Variants in PLK5 observed in about 807,000 individuals in gnomAD.
The protein encoded by PLK5 is inactive serine/threonine-protein kinase PLK5.
In PLK5, 28 loss-of-function variants were observed where a neutral mutation model predicts 33.7. The observed-to-expected ratio is 0.83, with a 90% CI of 0.62 to 1.14. The LOEUF (loss-of-function observed/expected upper bound fraction) is 1.14, where lower values mean the gene tolerates loss of function less well. PLK5 is among the 50% of genes most tolerant of loss of function. The pLI, the probability that PLK5 is intolerant of heterozygous loss-of-function variation, is 0.00. For synonymous variants in PLK5, 225 were observed against 202.2 expected, an observed-to-expected ratio of 1.11 and a Z score of -0.96; for missense variants, 492 against 461.5, an observed-to-expected ratio of 1.07 and a Z score of -0.61.
rs539701781 is a variant in PLK5, at chr19:1,526,856, G to A, written c.-94-47G>A. On this transcript the variant is annotated intron_variant, in intron 5 of 13. Coordinates refer to ENST00000454744, the MANE Select transcript of PLK5 (RefSeq NM_001243079.2). ...TGGGCACGGCTGGCCCTGAAGTCTG[G>A]CACGGGGATCCCAGCCTTCCTGAGC... 29 of 1,082,146 alleles carry A rather than the reference G, an allele frequency of 2.7e-5. No homozygotes were observed. The African/African-American group carries it at 3.6e-4, about 13-fold the overall frequency. 67.0% of individuals were successfully genotyped at this position (1,082,146 alleles called of 1,614,324 possible).
At chr19:1,531,422 AAAC>A (rs1913924103) in intron 11 of PLK5, among the ~76,000 whole-genome samples, 1 of 40,398 alleles carries the variant, frequency 2.5e-5, no homozygotes, top group South Asian at 1.9e-3. Context: ...AAACAAAACA[AAAC>A]AAAACAAACA....
chr19:1,533,804 G>GT, intron 12 of PLK5, 127 bp from the exon 13 acceptor site: 1 of 735,020 alleles, frequency 1.4e-6, no homozygotes, highest in South Asian at 1.7e-5. Context: ...CAAGCTGGCC[G>GT]TGCTGCAGCT....
In PLK5 at chr19:1,528,974, G is replaced by T; in HGVS notation, c.405G>T (p.Glu135Asp). The T allele has an allele frequency of 6.6e-7, 1 of 1,509,300 alleles. No homozygotes were observed. The highest frequency in any genetic ancestry group is 8.8e-7 in the Non-Finnish European group (1 of 1,133,750). 93.5% of individuals were successfully genotyped at this position (1,509,300 alleles called of 1,614,324 possible). ...PDPDSMEWDGESSLSAKEVPC... is the reference protein window; with the variant it reads ...PDPDSMEWDGDSSLSAKEVPC... Reference sequence around the variant, plus strand: ...CTGACTCCATGGAGTGGGACGGCGAGGTGAGACATCGGGGTGGGGGACACG... The same window carrying T: ...CTGACTCCATGGAGTGGGACGGCGATGTGAGACATCGGGGTGGGGGACACG... The change falls in exon 9 of 14, where the codon GAG becomes GAT. Residue 135 changes from glutamate (E) to aspartate (D), a missense_variant and splice_region_variant. Coordinates refer to ENST00000454744, the MANE Select transcript of PLK5 (RefSeq NM_001243079.2).
chr19:1,532,354 C>A (rs1913955639), intron 12 of PLK5, among the ~76,000 whole-genome samples: 1 of 151,966 alleles, frequency 6.6e-6, no homozygotes, highest in South Asian at 2.1e-4. Context: ...GCCTTGGCCT[C>A]ATAGCAAGAC....
At position 1,528,907 on chromosome 19, in the gene PLK5, C is replaced by A. The variant is rs188238762; in HGVS notation, c.338C>A (p.Thr113Lys). Reference protein sequence around the residue: ...LTQCRPPCPFTPKEASGPGEG... With the variant: ...LTQCRPPCPFKPKEASGPGEG... ...CTTGTGCCTCCCTCAGGCCCCTTCA[C>A]GCCTAAAGAGGCCTCGGGTCCAGGA... is the stretch of plus-strand genomic sequence containing the variant. Residue 113 changes from threonine to lysine, a missense_variant, in exon 9 of 14, where the codon ACG (threonine) becomes AAG (lysine). Coordinates refer to ENST00000454744, the MANE Select transcript of PLK5 (RefSeq NM_001243079.2). 4 of 1,515,436 alleles carry A rather than the reference C, an allele frequency of 2.6e-6. No homozygotes were observed. Among genetic ancestry groups the A allele is most frequent in the Non-Finnish European group, 3.5e-6 (4 of 1,137,550 alleles). 93.9% of individuals were successfully genotyped at this position (1,515,436 alleles called of 1,614,324 possible).
intron 12 of PLK5, 132 bp from the exon 13 acceptor site, chr19:1,533,799 T>G (rs909312802): frequency 3.5e-5 from 24 of 690,444 alleles, no homozygotes; most frequent in Non-Finnish European, 5.4e-5. Flanking sequence ...GGCGCCAAGC[T>G]GGCCGTGCTG....
intron 6 of PLK5, 60 bp from the exon 7 acceptor site, chr19:1,527,876 T>C: frequency 6.8e-7 from 1 of 1,478,904 alleles, no homozygotes; most frequent in Non-Finnish European, 9.0e-7. Context: ...TGGCCAAGTG[T>C]GCAGGGGTAG....
rs1344009022 is a variant in PLK5 at position 1,528,114 on chromosome 19, C to T, written c.181C>T (p.Gln61Ter). Residue 61 changes from glutamine to a stop codon, truncating the protein, a stop_gained, in exon 7 of 14, where the codon CAG becomes TAG. Transcript: ENST00000454744. LOFTEE classifies it high-confidence loss of function. ...GCGGCCCAGCCTGGACCACCTGCTG[C>T]AGGACGACTTCTTCACACAGGTGGG... Reference protein sequence around the residue: ...AERPSLDHLLQDDFFTQGFTP... With the variant: ...AERPSLDHLL 6.5e-7 allele frequency: 1 copy of T among 1,535,624 alleles called. No homozygotes were observed. Among genetic ancestry groups the T allele is most frequent in the Admixed American group, 2.0e-5 (1 of 50,960 alleles).
In PLK5 at chr19:1,528,924, G is replaced by A. The variant is rs1010839422; in HGVS notation, c.355G>A (p.Gly119Ser). The A allele has an allele frequency of 1.3e-6, 2 of 1,520,574 alleles. No individual in the cohort carries two copies. Among genetic ancestry groups the A allele is most frequent in the East Asian group, 2.5e-5 (1 of 40,444 alleles). 94.2% of individuals were successfully genotyped at this position (1,520,574 alleles called of 1,614,324 possible). The part of the protein sequence containing the change: ...PCPFTPKEAS[G>S]PGEGGPDPDS... ...CCCCTTCACGCCTAAAGAGGCCTCGGGTCCAGGAGAAGGTGGGCCAGACCC... is the reference window on the plus strand; with the variant it reads ...CCCCTTCACGCCTAAAGAGGCCTCGAGTCCAGGAGAAGGTGGGCCAGACCC... Residue 119 changes from glycine to serine, a missense_variant, in exon 9 of 14, where the codon GGT becomes AGT. Gly to Ser is a moderately conservative substitution (Grantham distance 56). Coordinates refer to ENST00000454744, the MANE Select transcript of PLK5 (RefSeq NM_001243079.2).
At chr19:1,533,410 G>A (rs762183125) in intron 12 of PLK5, among the ~76,000 whole-genome samples, 1 of 152,138 alleles carries the variant, frequency 6.6e-6, no homozygotes, top group Non-Finnish European at 1.5e-5. Context: ...TCTTTCTAGC[G>A]GGAGTGACAT....
intron 11 of PLK5, 123 bp downstream of exon 11, chr19:1,529,947 C>T (rs1001589114): frequency 4.8e-5 from 49 of 1,016,848 alleles, no homozygotes; most frequent in Non-Finnish European, 6.5e-5. Context: ...GAGGGAGGCC[C>T]CAGGACACGG....
In PLK5 at chr19:1,524,140, T is replaced by C. The variant is rs1229437433; in HGVS notation, c.-650T>C. On this transcript the variant is annotated 5_prime_UTR_variant, in exon 1 of 14. An upstream start codon of the reference 5' UTR is lost. Transcript: ENST00000454744. The surrounding 1 kb of genome is among the most constrained non-coding windows in gnomAD (Gnocchi z 4.5). ...CCCGGCTGCGCCAGAGTCCGCGCGA[T>C]GGAGCCCCGGCCGCGGCGGCGGCGC... 1 of 150,664 alleles carries C rather than the reference T, an allele frequency of 6.6e-6. No individual in the cohort carries two copies. The highest frequency in any genetic ancestry group is 1.5e-5 in the Non-Finnish European group (1 of 67,440). 9.3% of individuals were successfully genotyped at this position (150,664 alleles called of 1,614,324 possible). A position where few individuals can be genotyped will look rare whatever the true frequency, so the allele number is the denominator to read the frequency against.
At chr19:1,534,975 CCA>C (rs1467353009) in intron 13 of PLK5, 88 bp from the exon 14 acceptor site, 1 of 1,233,156 alleles carries the variant, frequency 8.1e-7, no homozygotes, top group Non-Finnish European at 1.1e-6. Flanking sequence ...GGCTCTGGGT[CCA>C]GTGTCCACTT....
chr19:1,529,481 G>T lies in PLK5; in HGVS notation c.481G>T (p.Asp161Tyr), dbSNP rs754567993. 9.8e-6 allele frequency: 15 copies of T among 1,535,744 alleles called. No individual in the cohort carries two copies. The highest frequency in any genetic ancestry group is 1.1e-5 in the Non-Finnish European group (13 of 1,146,728). ...HLVAQGTLQS[D>Y]LAGPEGSRRP... ...GGTCGCACAAGGGACCCTGCAGAGTGACCTGGCCGGTGAGCAGATCCCCGT... is the reference window on the plus strand; with the variant it reads ...GGTCGCACAAGGGACCCTGCAGAGTTACCTGGCCGGTGAGCAGATCCCCGT... Residue 161 changes from aspartate (D) to tyrosine (Y), a missense_variant, in exon 10 of 14, where the codon GAC becomes TAC. Coordinates refer to ENST00000454744, the MANE Select transcript of PLK5 (RefSeq NM_001243079.2).
chr19:1,528,041 C>A lies in PLK5; in HGVS notation c.108C>A (p.Ala36=), dbSNP rs766664034. 20 of 1,536,030 alleles carry A rather than the reference C, an allele frequency of 1.3e-5. No individual in the cohort carries two copies. In the South Asian group the frequency reaches 2.4e-4, roughly 18 times the overall value. The change falls in exon 7 of 14, where the codon GCC becomes GCA. Residue 36 remains alanine (A), a synonymous_variant. Transcript: ENST00000454744. Reference sequence around the variant, plus strand: ...ACCCCGAACCCGCTCACCTGTCTGCCAATGCGCGCCGCCTCATCGTGCACC... The same window carrying A: ...ACCCCGAACCCGCTCACCTGTCTGCAAATGCGCGCCGCCTCATCGTGCACC... ...GHYPEPAHLS[A]NARRLIVHLL...
rs1232308801 is a variant in PLK5, at chr19:1,525,579, G to A, written c.-429-16G>A. On this transcript the variant is annotated splice_polypyrimidine_tract_variant and intron_variant, in intron 2 of 13. Coordinates refer to ENST00000454744, the MANE Select transcript of PLK5 (RefSeq NM_001243079.2). ...GCCCCGCTGCAGGCGGGTACATGTC[G>A]GGGCCGTGCCTGCAGGTGGAGCGTG... 3 of 152,608 alleles carry A rather than the reference G, an allele frequency of 2.0e-5. No individual in the cohort carries two copies. Among genetic ancestry groups the A allele is most frequent in the African/African-American group, 4.8e-5 (2 of 41,420 alleles). The allele number at this position is 152,608 out of a possible 1,614,324, so 9.5% of individuals were successfully genotyped here.
intron 12 of PLK5, 88 bp downstream of exon 12, chr19:1,531,971 T>C: frequency 7.4e-7 from 1 of 1,349,152 alleles, no homozygotes; most frequent in Non-Finnish European, 9.7e-7. Context: ...AAGCACCTAC[T>C]GTGCACACCT....
Position 1,535,151 on chromosome 19 carries a change from T to G in PLK5, c.912T>G (p.Pro304=), listed in dbSNP as rs772946570. ...LQLTLWEQGS[P]GTSYSLDVPR... ...TCACCCTCTGGGAGCAGGGGTCCCC[T>G]GGCACCTCCTACTCCCTGGACGTCC... The change falls in exon 14 of 14, where the codon CCT becomes CCG. Residue 304 remains proline, a synonymous_variant. Coordinates refer to ENST00000454744, the MANE Select transcript of PLK5 (RefSeq NM_001243079.2). 575 of 1,535,728 alleles carry G rather than the reference T, an allele frequency of 3.7e-4. 1 individual carries two copies. Among genetic ancestry groups the G allele is most frequent in the Non-Finnish European group, 4.8e-4 (553 of 1,146,790 alleles).
intron 8 of PLK5, 40 bp from the exon 9 acceptor site, chr19:1,528,858 C>T: frequency 6.9e-7 from 1 of 1,440,814 alleles, no homozygotes; most frequent in Non-Finnish European, 9.1e-7. Context: ...CAGCTTGGGG[C>T]CCAGGCTGTG....
Sources: gnomAD v4.1 joint callset for allele counts (sites outside exome capture counted in the v4.1 genomes callset) on GRCh38, gnomAD v4.1.1 for gene constraint, Gnocchi (gnomAD v3.1) non-coding constraint, MANE v1.5 for transcripts, NCBI Gene and HGNC (gene_info 2026-07-23, HGNC 2026-07-21) for gene names.